ADGRV1: variants seen among roughly 807,000 people sequenced by gnomAD.
ADGRV1 encodes the protein adhesion G protein-coupled receptor V1.
In ADGRV1, 359 loss-of-function variants were observed where a neutral mutation model predicts 596.2. The observed-to-expected ratio is 0.60, with a 90% CI of 0.55 to 0.66. The LOEUF (loss-of-function observed/expected upper bound fraction) is 0.66. Ranked by LOEUF, ADGRV1 falls within the 30% of genes least tolerant of loss-of-function variation. ADGRV1 has a pLI of 0.00. For synonymous variants in ADGRV1, 2,681 were observed against 2,679.2 expected (o/e 1.00, Z -0.02); for missense variants, 7,274 against 7,575.6 (o/e 0.96, Z 1.48).
At chr5:91,007,403 A>C (rs974565358) in intron 85 of ADGRV1, among the ~76,000 whole-genome samples, 1 of 146,974 alleles carries the variant, frequency 6.8e-6, no homozygotes, top group African/African-American at 2.6e-5. Flanking sequence ...TGATCTCCCT[A>C]CCTACTTCCT....
intron 76 of ADGRV1, among the ~76,000 whole-genome samples, chr5:90,825,423 CTG>C (rs920416670): frequency 6.6e-6 from 1 of 151,968 alleles, no homozygotes; most frequent in Non-Finnish European, 1.5e-5. Context: ...GACTATAAGA[CTG>C]TTAGCTGTTC....
chr5:90,895,852 C>A (rs1341464122), intron 83 of ADGRV1, among the ~76,000 whole-genome samples: 2 of 152,134 alleles, frequency 1.3e-5, no homozygotes, highest in Non-Finnish European at 2.9e-5. Context: ...GACTATACAT[C>A]CAAAAGTATA....
intron 87 of ADGRV1, among the ~76,000 whole-genome samples, chr5:91,127,715 A>G (rs1249378640): frequency 1.3e-5 from 2 of 152,238 alleles, no homozygotes; most frequent in Non-Finnish European, 2.9e-5. Flanking sequence ...ATAAGAAATT[A>G]GGAAGCTGCC....
intron 83 of ADGRV1, among the ~76,000 whole-genome samples, chr5:90,928,890 C>G (rs1269349562): frequency 7.0e-6 from 1 of 143,636 alleles, no homozygotes; most frequent in Admixed American, 6.9e-5. Flanking sequence ...AATAGCCTGC[C>G]GTGTGAGGTG....
chr5:91,076,388 T>TA (rs758895706), intron 86 of ADGRV1, among the ~76,000 whole-genome samples: 6 of 152,160 alleles, frequency 3.9e-5, no homozygotes, highest in Non-Finnish European at 7.4e-5. Context: ...TGGATTTCCT[T>TA]AATAAATTAT....
intron 87 of ADGRV1, among the ~76,000 whole-genome samples, chr5:91,135,152 C>T: frequency 6.8e-6 from 1 of 147,248 alleles, no homozygotes; most frequent in Non-Finnish European, 1.5e-5. Flanking sequence ...GCACTCCAGC[C>T]TGGGAGACAG....
At chr5:91,155,008 A>C (rs1796360958) in intron 89 of ADGRV1, among the ~76,000 whole-genome samples, 1 of 152,222 alleles carries the variant, frequency 6.6e-6, no homozygotes, top group Non-Finnish European at 1.5e-5. Flanking sequence ...GACACAGCCA[A>C]ATCATATCAC....
chr5:90,636,230 T>C lies in ADGRV1; in HGVS notation c.2016+940T>C, dbSNP rs535358669. Among the ~76,000 whole-genome samples the C allele has an allele frequency of 2.0e-5, 3 of 148,206 alleles. No homozygotes were observed. In the South Asian group the frequency reaches 6.9e-4, roughly 34 times the overall value. On this transcript the variant is annotated intron_variant, in intron 10 of 89. Coordinates refer to ENST00000405460, the MANE Select transcript of ADGRV1 (RefSeq NM_032119.4). ...CTCTTCCTTCAGCCTTACCATTTCC[T>C]GAGTCATAGTTGATCCCTGAGACCT...
At chr5:90,657,555 CACAT>C (rs974443975) in intron 20 of ADGRV1, among the ~76,000 whole-genome samples, 2 of 151,924 alleles carry the variant, frequency 1.3e-5, no homozygotes, top group African/African-American at 4.8e-5. Flanking sequence ...CAAATACGTG[CACAT>C]ACATACATGC....
intron 1 of ADGRV1, among the ~76,000 whole-genome samples, chr5:90,574,901 A>AT (rs1237287317): frequency 1.3e-5 from 2 of 152,018 alleles, no homozygotes; most frequent in Admixed American, 6.6e-5. Flanking sequence ...GGCTCTGAGG[A>AT]TTTTTTATAT....
intron 85 of ADGRV1, among the ~76,000 whole-genome samples, chr5:91,066,755 G>C (rs1480302371): frequency 6.6e-6 from 1 of 152,222 alleles, no homozygotes; most frequent in Non-Finnish European, 1.5e-5. Flanking sequence ...TGAACCCTAA[G>C]AGGTAGTACA....
intron 1 of ADGRV1, among the ~76,000 whole-genome samples, chr5:90,585,419 A>T (rs1437824474): frequency 6.6e-6 from 1 of 152,206 alleles, no homozygotes; most frequent in Non-Finnish European, 1.5e-5. Flanking sequence ...TTGCTTCAAG[A>T]CAATGACAAA....
chr5:90,812,741 A>G (rs1762549533), intron 74 of ADGRV1, among the ~76,000 whole-genome samples: 1 of 152,052 alleles, frequency 6.6e-6, no homozygotes, highest in African/African-American at 2.4e-5. Context: ...CTGTTTCTAC[A>G]GTTTATGAAG....
chr5:90,854,250 C>T (rs187796319), intron 81 of ADGRV1, 49 bp downstream of exon 81: 190 of 1,399,914 alleles, frequency 1.4e-4, no homozygotes, highest in East Asian at 3.0e-4. Flanking sequence ...TTCCCCATTT[C>T]GGTACCACTG....
intron 74 of ADGRV1, 65 bp from the exon 75 acceptor site, chr5:90,815,554 G>C (rs532528890): frequency 1.1e-6 from 1 of 879,864 alleles, no homozygotes; most frequent in Non-Finnish European, 1.8e-6. Context: ...GGCAAGATTA[G>C]TGGAGCATGG....
chr5:90,916,883 C>T (rs138621664), intron 83 of ADGRV1, among the ~76,000 whole-genome samples: 7,944 of 152,100 alleles, frequency 0.052, 368 homozygotes, highest in East Asian at 0.22. Flanking sequence ...CCGCCCGCCT[C>T]GGCCTCCCAA....
chr5:91,151,503 C>T lies in ADGRV1; in HGVS notation c.18624+1282C>T, dbSNP rs984849933. ...TCCTTAATTTTTTGGAAATCTAGTACGATTTCTCTATCCCCAAAGTTCTTA... is the reference window on the plus strand; with the variant it reads ...TCCTTAATTTTTTGGAAATCTAGTATGATTTCTCTATCCCCAAAGTTCTTA... On this transcript the variant is annotated intron_variant, in intron 88 of 89. Coordinates refer to ENST00000405460, the MANE Select transcript of ADGRV1 (RefSeq NM_032119.4). Among the ~76,000 whole-genome samples, 7 of 152,050 alleles carry T rather than the reference C, an allele frequency of 4.6e-5. No individual in the cohort carries two copies. The East Asian group carries it at 5.8e-4, about 13-fold the overall frequency.
At position 90,683,582 on chromosome 5, in the gene ADGRV1, G is replaced by A. The variant is rs772860705; in HGVS notation, c.5665-4G>A. 7 of 1,572,244 alleles carry A rather than the reference G, an allele frequency of 4.5e-6. No homozygotes were observed. The highest frequency in any genetic ancestry group is 1.7e-4 in the Middle Eastern group (1 of 5,952). On this transcript the variant is annotated splice_region_variant and splice_polypyrimidine_tract_variant and intron_variant, in intron 27 of 89. Transcript: ENST00000405460. Reference sequence around the variant, plus strand: ...AATAGATTTTAATATTAAGTATTTTGTAGGTTATAAGACATCATGGAACTC... The same window carrying A: ...AATAGATTTTAATATTAAGTATTTTATAGGTTATAAGACATCATGGAACTC...
chr5:90,991,146 T>G (rs1197994407), intron 85 of ADGRV1, among the ~76,000 whole-genome samples: 2 of 152,190 alleles, frequency 1.3e-5, no homozygotes, highest in Admixed American at 6.5e-5. Flanking sequence ...GACATTACTT[T>G]GATCTCAATA....
Sources: gnomAD v4.1 joint callset for allele counts (sites outside exome capture counted in the v4.1 genomes callset) on GRCh38, gnomAD v4.1.1 for gene constraint, MANE v1.5 for transcripts, NCBI Gene and HGNC (gene_info 2026-07-23, HGNC 2026-07-21) for gene names.